ACRBP: variants seen among roughly 807,000 people sequenced by gnomAD.
The protein encoded by ACRBP is acrosin binding protein.
In ACRBP, 52 loss-of-function variants were observed where a neutral mutation model predicts 69.0. That is an observed-to-expected ratio of 0.75 (90% CI 0.60 to 0.95). The LOEUF (loss-of-function observed/expected upper bound fraction) is 0.95, where lower values mean the gene tolerates loss of function less well. ACRBP is among the 40% of genes least tolerant of loss of function. The pLI, the probability that ACRBP is intolerant of heterozygous loss-of-function variation, is 0.00. For missense variants in ACRBP, 604 were observed against 673.0 expected (o/e 0.90, Z 1.13); for synonymous variants, 267 against 258.9 (o/e 1.03, Z -0.30).
intron 2 of ACRBP, 68 bp from the exon 3 acceptor site, chr12:6,646,645 C>T: frequency 6.5e-7 from 1 of 1,530,418 alleles, no homozygotes; most frequent in Non-Finnish European, 9.0e-7. Flanking sequence ...GGGCAATGGA[C>T]TCCACGCCAT....
At chr12:6,642,937 G>C (rs531391870) in intron 6 of ACRBP, among the ~76,000 whole-genome samples, 11 of 152,272 alleles carry the variant, frequency 7.2e-5, no homozygotes, top group African/African-American at 2.6e-4. Context: ...TAGGAAGATG[G>C]TGAGGTGGAT....
chr12:6,640,493 CAT>C lies in ACRBP; in HGVS notation c.1105_1106del (p.Met369ValfsTer7), dbSNP rs573615966. The part of the protein sequence containing the change: ...SVCDSLGRRH[M>X]STCALCDFCS... ...AGAAGTCACAGAGGGCACAGGTAGA[CAT>C]GTGTCGCCGCCCAAGGCTGTCACAG... On this transcript the variant is annotated frameshift_variant, in exon 7 of 10. Coordinates refer to ENST00000229243, the MANE Select transcript of ACRBP (RefSeq NM_032489.3). LOFTEE classifies it high-confidence loss of function. This position sits in a 1 kb window ranked among gnomAD's most constrained non-coding sequence, Gnocchi z 5.3. 28 of 1,613,934 alleles carry C rather than the reference CAT, an allele frequency of 1.7e-5. No homozygotes were observed. Among genetic ancestry groups the C allele is most frequent in the South Asian group, 4.4e-5 (4 of 91,070 alleles).
At position 6,643,576 on chromosome 12, in the gene ACRBP, T is replaced by A. The variant is rs1253449278; in HGVS notation, c.1040A>T (p.Lys347Met). Reference protein sequence around the residue: ...CIITPTAKAWKYMEEEILGFG... With the variant: ...CIITPTAKAWMYMEEEILGFG... The stretch of plus-strand genomic sequence containing the variant: ...ACCAAGGATCTCCTCCTCCATGTAC[T>A]TCCAGGCCTTGGCTGTGGGGGTTAT... The change falls in exon 6 of 10, where the codon AAG becomes ATG. Residue 347 changes from lysine (K) to methionine (M), a missense_variant. Lys to Met is a moderately conservative substitution (Grantham distance 95). Around this residue, in one of 3 missense-constraint regions of ACRBP, gnomAD observed 532 missense variants for 562.9 expected, o/e 0.95. Transcript: ENST00000229243. 1 of 1,614,216 alleles carries A rather than the reference T, an allele frequency of 6.2e-7. No homozygotes were observed. The highest frequency in any genetic ancestry group is 2.2e-5 in the East Asian group (1 of 44,886).
rs987008013 is a variant in ACRBP, at chr12:6,643,544, T to G, written c.1072A>C (p.Lys358Gln). The G allele has an allele frequency of 6.2e-7, 1 of 1,614,184 alleles. No homozygotes were observed. The highest frequency in any genetic ancestry group is 8.5e-7 in the Non-Finnish European group (1 of 1,180,014). Residue 358 changes from lysine (K) to glutamine (Q), a missense_variant, in exon 6 of 10, where the codon AAG (lysine) becomes CAG (glutamine). Around this residue, in one of 3 missense-constraint regions of ACRBP, gnomAD observed 532 missense variants for 562.9 expected, o/e 0.95. Transcript: ENST00000229243. ...AGACAGTATGGCTGGCATACCGACT[T>G]CCCGAAACCAAGGATCTCCTCCTCC... ...YMEEEILGFG[K>Q]SVCDSLGRRH... is the part of the protein sequence containing the mutation.
Position 6,647,406 on chromosome 12 carries a change from G to T in ACRBP, c.-40C>A. 2 of 1,495,762 alleles carry T rather than the reference G, an allele frequency of 1.3e-6. No individual in the cohort carries two copies. The highest frequency in any genetic ancestry group is 8.9e-7 in the Non-Finnish European group (1 of 1,119,744). The allele number at this position is 1,495,762 out of a possible 1,614,324, so 92.7% of individuals were successfully genotyped here. ...CGCCCGCGTCCCGTGGACACAAGCC[G>T]CCTCTAACGGGCCAAGCCGCAGAGA... On this transcript the variant is annotated 5_prime_UTR_variant, in exon 1 of 10. Transcript: ENST00000229243.
Position 6,644,122 on chromosome 12 carries a change from C to A in ACRBP, c.944+15G>T. The A allele has an allele frequency of 6.4e-7, 1 of 1,551,874 alleles. No individual in the cohort carries two copies. On this transcript the variant is annotated intron_variant, in intron 5 of 9. Transcript: ENST00000229243. ...GGGAGGGCAGGGTGGATGACAGAGT[C>A]AAAACTTCCTATACCTGCCAGGGTT...
chr12:6,638,216 T>G lies in ACRBP; in HGVS notation c.*66A>C. ...CCCAGAAGGGGCAGCCTGAAAGCAA[T>G]GGGGTCTCAAAACAATAGAGAACGT... On this transcript the variant is annotated 3_prime_UTR_variant, in exon 10 of 10. Coordinates refer to ENST00000229243, the MANE Select transcript of ACRBP (RefSeq NM_032489.3). The G allele has an allele frequency of 6.3e-7, 1 of 1,591,110 alleles. No homozygotes were observed. Among genetic ancestry groups the G allele is most frequent in the Non-Finnish European group, 8.6e-7 (1 of 1,165,172 alleles).
At chr12:6,643,005 AT>A (rs1182965900) in intron 6 of ACRBP, among the ~76,000 whole-genome samples, 1 of 152,154 alleles carries the variant, frequency 6.6e-6, no homozygotes, top group Non-Finnish European at 1.5e-5. Flanking sequence ...TAATCCCAGC[AT>A]TTTGGGAGGC....
Position 6,647,414 on chromosome 12 carries a change from C to G in ACRBP, c.-48G>C. On this transcript the variant is annotated 5_prime_UTR_variant, in exon 1 of 10. Coordinates refer to ENST00000229243, the MANE Select transcript of ACRBP (RefSeq NM_032489.3). ...TCCCGTGGACACAAGCCGCCTCTAA[C>G]GGGCCAAGCCGCAGAGAGAGCCGCA... 2.0e-6 allele frequency: 3 copies of G among 1,478,872 alleles called. No individual in the cohort carries two copies. The highest frequency in any genetic ancestry group is 2.7e-6 in the Non-Finnish European group (3 of 1,109,846). The allele number at this position is 1,478,872 out of a possible 1,614,324, so 91.6% of individuals were successfully genotyped here. A position where few individuals can be genotyped will look rare whatever the true frequency, so the allele number is the denominator to read the frequency against.
Position 6,646,908 on chromosome 12 carries a change from G to A in ACRBP, c.148C>T (p.Leu50=), listed in dbSNP as rs374331481. The change falls in exon 2 of 10, where the codon CTG becomes TTG. Residue 50 remains leucine, a synonymous_variant. Transcript: ENST00000229243. ...GTCTCTGCCTTCCAGGTTGGAGTCA[G>A]CAGTGCGAAGAAGCGTTCGTATTCG... The part of the protein sequence containing the change: ...PTEYERFFAL[L]TPTWKAETTC... 7.4e-6 allele frequency: 12 copies of A among 1,614,046 alleles called. No individual in the cohort carries two copies. Among genetic ancestry groups the A allele is most frequent in the Non-Finnish European group, 1.0e-5 (12 of 1,180,040 alleles).
Position 6,646,956 on chromosome 12 carries a change from G to C in ACRBP, c.100C>G (p.Pro34Ala). 6.2e-7 allele frequency: 1 copy of C among 1,613,478 alleles called. No homozygotes were observed. The highest frequency in any genetic ancestry group is 8.5e-7 in the Non-Finnish European group (1 of 1,180,030). ...TCGGTAGGAGAGAGAGGGCTGCCTGGAGTGGAGGCCTGAGTCGAATCCTGG... is the reference window on the plus strand; with the variant it reads ...TCGGTAGGAGAGAGAGGGCTGCCTGCAGTGGAGGCCTGAGTCGAATCCTGG... ...AAQDSTQAST[P>A]GSPLSPTEYE... The change falls in exon 2 of 10, where the codon CCA (proline) becomes GCA (alanine). Residue 34 changes from proline to alanine, a missense_variant. Pro to Ala is a conservative substitution (Grantham distance 27). Transcript: ENST00000229243.
chr12:6,647,274 G>T, intron 1 of ACRBP, 50 bp downstream of exon 1: 1 of 1,523,850 alleles, frequency 6.6e-7, no homozygotes, highest in South Asian at 1.2e-5. Context: ...TCTCGGGAGG[G>T]AGAGGACTAG....
At chr12:6,638,526 G>T in intron 9 of ACRBP, 122 bp from the exon 10 acceptor site, 1 of 1,383,562 alleles carries the variant, frequency 7.2e-7, no homozygotes, top group Non-Finnish European at 1.0e-6. Context: ...CAGGGCAGTA[G>T]AGGGAAGGAG....
At chr12:6,643,712 G>C in intron 5 of ACRBP, 41 bp from the exon 6 acceptor site, 1 of 1,603,216 alleles carries the variant, frequency 6.2e-7, no homozygotes, top group Non-Finnish European at 8.5e-7. Context: ...GGGCCAGGTG[G>C]CCCGGGCAGG....
At chr12:6,642,077 C>A (rs192964303) in intron 6 of ACRBP, among the ~76,000 whole-genome samples, 1 of 152,292 alleles carries the variant, frequency 6.6e-6, no homozygotes, top group African/African-American at 2.4e-5. Flanking sequence ...TTGTCCCCAA[C>A]CCACCCCATC....
chr12:6,647,177 G>T, intron 1 of ACRBP, 147 bp downstream of exon 1: 1 of 1,126,620 alleles, frequency 8.9e-7, no homozygotes, highest in Admixed American at 2.4e-5. Context: ...GCCGCGGGCG[G>T]GGGGAGATGG....
chr12:6,645,430 C>G, intron 3 of ACRBP, 93 bp from the exon 4 acceptor site: 1 of 970,212 alleles, frequency 1.0e-6, no homozygotes, highest in Non-Finnish European at 1.6e-6. Context: ...CATGTCTTAT[C>G]TCTCAGTTTC....
In ACRBP at chr12:6,640,169, A is replaced by G; in HGVS notation, c.1316T>C (p.Met439Thr). The change falls in exon 8 of 10, where the codon ATG (methionine) becomes ACG (threonine). Residue 439 changes from methionine to threonine, a missense_variant. Physicochemically the swap from Met to Thr is moderately conservative, Grantham distance 81. This residue lies in a region of ACRBP where 532 missense variants were observed against 562.9 expected (regional missense o/e 0.95). Transcript: ENST00000229243. The surrounding 1 kb of genome is among the most constrained non-coding windows in gnomAD (Gnocchi z 5.3). ...GGCAAGCCGGGCACACCAGAAGTCC[A>G]TGTGGAGCCCACCGTACAAATCCAG... Reference protein sequence around the residue: ...YGLDLYGGLHMDFWCARLATK... With the variant: ...YGLDLYGGLHTDFWCARLATK... 2 of 1,614,160 alleles carry G rather than the reference A, an allele frequency of 1.2e-6. No individual in the cohort carries two copies.
At position 6,646,917 on chromosome 12, in the gene ACRBP, A is replaced by G. The variant is rs1462377398; in HGVS notation, c.139T>C (p.Phe47Leu). The G allele has an allele frequency of 6.2e-7, 1 of 1,614,010 alleles. No homozygotes were observed. The highest frequency in any genetic ancestry group is 2.2e-5 in the East Asian group (1 of 44,892). Reference protein sequence around the residue: ...PLSPTEYERFFALLTPTWKAE... With the variant: ...PLSPTEYERFLALLTPTWKAE... Reference sequence around the variant, plus strand: ...TTCCAGGTTGGAGTCAGCAGTGCGAAGAAGCGTTCGTATTCGGTAGGAGAG... The same window carrying G: ...TTCCAGGTTGGAGTCAGCAGTGCGAGGAAGCGTTCGTATTCGGTAGGAGAG... The change falls in exon 2 of 10, where the codon TTC (phenylalanine) becomes CTC (leucine). Residue 47 changes from phenylalanine to leucine, a missense_variant. Phe to Leu is a conservative substitution (Grantham distance 22). This residue lies in a region of ACRBP where 532 missense variants were observed against 562.9 expected (regional missense o/e 0.95). Coordinates refer to ENST00000229243, the MANE Select transcript of ACRBP (RefSeq NM_032489.3).
Sources: allele counts gnomAD v4.1 joint callset (sites outside exome capture counted in the v4.1 genomes callset), GRCh38; gene constraint gnomAD v4.1.1; regional missense constraint gnomAD v4.1.1; non-coding constraint Gnocchi (gnomAD v3.1); transcripts MANE v1.5; gene names NCBI Gene and HGNC (gene_info 2026-07-23, HGNC 2026-07-21).